LRIG1: variants seen among roughly 807,000 people sequenced by gnomAD.
LRIG1 encodes leucine rich repeats and immunoglobulin like domains 1.
In LRIG1, 48 loss-of-function variants were observed where a neutral mutation model predicts 99.2. The ratio of observed to expected loss-of-function variants is 0.48; its 90% CI spans 0.38 to 0.62. The LOEUF is 0.62. LRIG1 is among the 20% of genes least tolerant of loss of function. The probability of loss-of-function intolerance (pLI) is 0.00; values close to 1 mark genes in which losing one functional copy is unlikely to be tolerated. For missense variants in LRIG1, 1,646 were observed against 1,434.4 expected (o/e 1.15, Z -2.38); for synonymous variants, 772 against 596.1 (o/e 1.29, Z -4.30).
At chr3:66,410,384 A>T in intron 6 of LRIG1, 112 bp from the exon 7 acceptor site, 1 of 983,030 alleles carries the variant, frequency 1.0e-6, no homozygotes, top group Non-Finnish European at 1.5e-6. Context: ...CAAGGCTAGA[A>T]CAGTGCACGA....
chr3:66,409,943 G>C (rs1413294610), intron 7 of LRIG1, 186 bp downstream of exon 7: 1 of 544,176 alleles, frequency 1.8e-6, no homozygotes, highest in South Asian at 2.6e-5. Context: ...GGGGAGATGA[G>C]GAAGGGACTG....
chr3:66,381,627 C>T lies in LRIG1; in HGVS notation c.2622G>A (p.Val874=), dbSNP rs1244259725. 4.3e-6 allele frequency: 7 copies of T among 1,613,066 alleles called. No individual in the cohort carries two copies. The Admixed American group carries it at 6.7e-5, about 15-fold the overall frequency. ...QANGHIESNG[V]CPRDASHFPE... ...GAAAGTGGCTTGCATCTCTTGGACACACACCTGCAAGTGGATTCCAACACG... is the reference window on the plus strand; with the variant it reads ...GAAAGTGGCTTGCATCTCTTGGACATACACCTGCAAGTGGATTCCAACACG... The change falls in exon 17 of 19, where the codon GTG becomes GTA. Residue 874 remains valine, a synonymous_variant. Transcript: ENST00000273261.
chr3:66,382,345 G>C lies in LRIG1; in HGVS notation c.2545C>G (p.Leu849Val), dbSNP rs1487880322. Residue 849 changes from leucine to valine, a missense_variant, in exon 16 of 19, where the codon CTT becomes GTT. Transcript: ENST00000273261. Reference protein sequence around the residue: ...VPSYLSSQGTLSDRQETVVRT... With the variant: ...VPSYLSSQGTVSDRQETVVRT... ...ACCACGGTTTCTTGTCGGTCAGAAA[G>C]GGTCCCCTGAGAAGAGAGGTAGCTT... 6.2e-7 allele frequency: 1 copy of C among 1,614,204 alleles called. No individual in the cohort carries two copies. The highest frequency in any genetic ancestry group is 1.1e-5 in the South Asian group (1 of 91,090).
Position 66,461,878 on chromosome 3 carries a change from G to A in LRIG1, c.290+560C>T, listed in dbSNP as rs556789874. 7.2e-5 allele frequency among the ~76,000 whole-genome samples: 11 copies of A among 152,292 alleles called. No individual in the cohort carries two copies. The East Asian group carries it at 1.9e-3, about 27-fold the overall frequency. On this transcript the variant is annotated intron_variant, in intron 2 of 18. Coordinates refer to ENST00000273261, the MANE Select transcript of LRIG1 (RefSeq NM_015541.3). The stretch of plus-strand genomic sequence containing the variant: ...GCAGTCATACCTAGCTCTGTTTGGA[G>A]GTGGAGAGGAACAGGTAAGCCTCTA...
In LRIG1 at chr3:66,425,696, TG is replaced by T. The variant is rs550415522; in HGVS notation, c.366-8431del. Among the ~76,000 whole-genome samples, 443 of 152,252 alleles carry T rather than the reference TG, an allele frequency of 2.9e-3. 2 individuals are homozygous for T. Among genetic ancestry groups the T allele is most frequent in the African/African-American group, 9.6e-3 (399 of 41,524 alleles). The stretch of plus-strand genomic sequence containing the variant: ...GACAAAACCAGTGATTCTGCACTTA[TG>T]GGGACCGGGGGAAGTGTGTGGTGGC... On this transcript the variant is annotated intron_variant, in intron 3 of 18. Coordinates refer to ENST00000273261, the MANE Select transcript of LRIG1 (RefSeq NM_015541.3).
chr3:66,470,754 C>G (rs1413777370), intron 1 of LRIG1, among the ~76,000 whole-genome samples: 1 of 152,142 alleles, frequency 6.6e-6, no homozygotes. Flanking sequence ...GTTTTCTCAC[C>G]ATCACTGAAG....
chr3:66,428,874 CCT>C (rs1190745194), intron 3 of LRIG1, among the ~76,000 whole-genome samples: 1 of 152,180 alleles, frequency 6.6e-6, no homozygotes, highest in Non-Finnish European at 1.5e-5. Context: ...TTGCTTGTTC[CCT>C]CTCTCTTCCC....
chr3:66,435,802 C>T (rs917549664), intron 3 of LRIG1, among the ~76,000 whole-genome samples: 3 of 151,192 alleles, frequency 2.0e-5, no homozygotes, highest in African/African-American at 7.3e-5. Context: ...TTTACAACTG[C>T]ATGTGAATCA....
chr3:66,392,964 GC>G (rs1701684162), intron 12 of LRIG1, among the ~76,000 whole-genome samples: 1 of 152,206 alleles, frequency 6.6e-6, no homozygotes, highest in Non-Finnish European at 1.5e-5. Flanking sequence ...GAGAGCTGCT[GC>G]CATGTTCGCA....
chr3:66,462,401 A>G, intron 2 of LRIG1, 37 bp downstream of exon 2: 1 of 1,523,940 alleles, frequency 6.6e-7, no homozygotes, highest in Non-Finnish European at 9.1e-7. Flanking sequence ...AGAGCTCTCC[A>G]TCCTTCCATC....
intron 2 of LRIG1, among the ~76,000 whole-genome samples, chr3:66,457,076 G>C (rs527451263): frequency 6.6e-6 from 1 of 152,214 alleles, no homozygotes; most frequent in Admixed American, 6.5e-5. Context: ...ATGTGGTTCT[G>C]AGGCCTCCAG....
intron 3 of LRIG1, among the ~76,000 whole-genome samples, chr3:66,431,010 G>A (rs1004327558): frequency 2.6e-5 from 4 of 151,224 alleles, no homozygotes; most frequent in Admixed American, 6.6e-5. Flanking sequence ...CCGAGACCCC[G>A]CCACAAGCTC....
In LRIG1 at chr3:66,410,254, G is replaced by C; in HGVS notation, c.810C>G (p.Ser270Arg). Residue 270 changes from serine to arginine, a missense_variant, in exon 7 of 19, where the codon AGC becomes AGG. Coordinates refer to ENST00000273261, the MANE Select transcript of LRIG1 (RefSeq NM_015541.3). ...GCGAGCCGCTGTTCACTTCTACCAG[G>C]CTGTTGTACTCCAGGTGCCTGCAAT... ...KMHVLHLEYNSLVEVNSGSLY... is the reference protein window; with the variant it reads ...KMHVLHLEYNRLVEVNSGSLY... The C allele has an allele frequency of 6.2e-7, 1 of 1,610,736 alleles. No homozygotes were observed. The highest frequency in any genetic ancestry group is 1.7e-4 in the Middle Eastern group (1 of 6,044).
intron 3 of LRIG1, among the ~76,000 whole-genome samples, chr3:66,440,025 A>G (rs1052867650): frequency 2.7e-5 from 4 of 148,932 alleles, no homozygotes; most frequent in East Asian, 1.9e-4. Context: ...AAAGAGGGGG[A>G]AAAAAAGGAG....
At chr3:66,384,728 G>C (rs1356814829) in intron 13 of LRIG1, among the ~76,000 whole-genome samples, 1 of 151,944 alleles carries the variant, frequency 6.6e-6, no homozygotes, top group Non-Finnish European at 1.5e-5. Context: ...TGAATGGGAT[G>C]GCTCATCCAT....
chr3:66,477,729 T>C (rs1405361570), intron 1 of LRIG1, among the ~76,000 whole-genome samples: 1 of 152,156 alleles, frequency 6.6e-6, no homozygotes, highest in Non-Finnish European at 1.5e-5. Flanking sequence ...TTTAAAGATG[T>C]TATCATCAGA....
At chr3:66,414,897 A>G (rs1702576314) in intron 5 of LRIG1, 23 bp downstream of exon 5, 2 of 1,545,206 alleles carry the variant, frequency 1.3e-6, no homozygotes, top group Non-Finnish European at 1.7e-6. Context: ...AGCCTTAATT[A>G]AAGTGTAGGT....
chr3:66,425,112 G>C (rs559054302), intron 3 of LRIG1, among the ~76,000 whole-genome samples: 4 of 152,218 alleles, frequency 2.6e-5, no homozygotes, highest in Non-Finnish European at 5.9e-5. Context: ...GTCTGCTGGA[G>C]CTTGCCCAAG....
intron 6 of LRIG1, among the ~76,000 whole-genome samples, chr3:66,411,408 T>TA (rs1452079785): frequency 2.0e-5 from 3 of 152,234 alleles, no homozygotes; most frequent in African/African-American, 7.2e-5. Flanking sequence ...TGGTAGGTGC[T>TA]AACTCCATTT....
Sources: gnomAD v4.1 joint callset for allele counts (sites outside exome capture counted in the v4.1 genomes callset) on GRCh38, gnomAD v4.1.1 for gene constraint, MANE v1.5 for transcripts, NCBI Gene and HGNC (gene_info 2026-07-23, HGNC 2026-07-21) for gene names.